Variants in FBXO4 observed in about 807,000 individuals in gnomAD.
FBXO4 encodes the protein F-box only protein 4.
A neutral mutation model predicts 43.7 loss-of-function variants in FBXO4; 36 were observed. The observed-to-expected ratio is 0.82, with a 90% CI of 0.63 to 1.09. The LOEUF (loss-of-function observed/expected upper bound fraction) is 1.09. Among genes scored for constraint, FBXO4 ranks in the 50% least tolerant of loss-of-function variants. FBXO4 has a pLI of 0.00. For synonymous variants in FBXO4, 180 were observed against 165.6 expected (o/e 1.09, Z -0.67); for missense variants, 435 against 474.1 (o/e 0.92, Z 0.77).
chr5:41,954,187 TA>T, the FBXO4 span, among the ~76,000 whole-genome samples: 7 of 152,262 alleles, frequency 4.6e-5, no homozygotes, highest in African/African-American at 9.6e-5. Flanking sequence ...AAGAAATGCC[TA>T]AATTTACCCA....
chr5:42,034,431 C>A, the FBXO4 span, among the ~76,000 whole-genome samples: 3 of 152,268 alleles, frequency 2.0e-5, no homozygotes, highest in Middle Eastern at 3.4e-3. Context: ...GTCATGAAGT[C>A]TTTGTCCATG....
the FBXO4 span, among the ~76,000 whole-genome samples, chr5:41,975,321 G>C: frequency 6.6e-6 from 1 of 152,304 alleles, no homozygotes; most frequent in South Asian, 2.1e-4. Flanking sequence ...ATTGATGTAT[G>C]AGCTCAGCTC....
the FBXO4 span, among the ~76,000 whole-genome samples, chr5:41,986,393 G>C: frequency 1.3e-5 from 2 of 152,078 alleles, no homozygotes; most frequent in Admixed American, 1.3e-4. Flanking sequence ...CTTTCACTTG[G>C]AGGCACAGGT....
the FBXO4 span, among the ~76,000 whole-genome samples, chr5:42,001,149 T>C: frequency 6.6e-6 from 1 of 152,242 alleles, no homozygotes; most frequent in Admixed American, 6.5e-5. Context: ...GCATTGGCTC[T>C]CTAGATCAAT....
rs575141360 is a variant in FBXO4 at position 41,932,878 on chromosome 5, C to T, written c.647-1068C>T. On this transcript the variant is annotated intron_variant, in intron 3 of 6. Transcript: ENST00000281623. ...TTTGAGGAGGCAAAAGGAGAACCAG[C>T]CACTTAGTGTTAACACAGTCCAAGG... 1.1e-4 allele frequency among the ~76,000 whole-genome samples: 17 copies of T among 152,172 alleles called. No homozygotes were observed. The South Asian group carries it at 3.3e-3, about 30-fold the overall frequency.
the FBXO4 span, among the ~76,000 whole-genome samples, chr5:41,983,063 G>A: frequency 6.6e-6 from 1 of 152,000 alleles, no homozygotes; most frequent in Non-Finnish European, 1.5e-5. Context: ...CTTTTTTATG[G>A]CTGCATAGTA....
chr5:42,007,091 T>A, the FBXO4 span, among the ~76,000 whole-genome samples: 1,724 of 151,156 alleles, frequency 0.011, 78 homozygotes, highest in Admixed American at 0.073. Context: ...CACTACTACC[T>A]CAGGATGTGA....
the FBXO4 span, among the ~76,000 whole-genome samples, chr5:41,959,891 T>C: frequency 6.6e-6 from 1 of 152,160 alleles, no homozygotes; most frequent in Admixed American, 6.5e-5. Flanking sequence ...TCTATTTCTA[T>C]GAAAAATGTC....
the FBXO4 span, among the ~76,000 whole-genome samples, chr5:42,026,606 CA>C: frequency 2.6e-5 from 4 of 151,798 alleles, no homozygotes; most frequent in Non-Finnish European, 5.9e-5. Context: ...TGTTGAATAA[CA>C]GTGGTGACAA....
rs1226028496 is a variant in FBXO4 at position 41,934,280 on chromosome 5, C to T, written c.870C>T (p.Ile290=). 12 of 1,613,982 alleles carry T rather than the reference C, an allele frequency of 7.4e-6. No homozygotes were observed. Among genetic ancestry groups the T allele is most frequent in the Admixed American group, 1.7e-5 (1 of 59,994 alleles). ...TGTGTGAAGTTGTAGATGGGTTCATCTATGTTGCAAATGCTGAAGCTCATA... is the reference window on the plus strand; with the variant it reads ...TGTGTGAAGTTGTAGATGGGTTCATTTATGTTGCAAATGCTGAAGCTCATA... ...QKVCEVVDGF[I]YVANAEAHKR... The change falls in exon 5 of 7, where the codon ATC becomes ATT. Residue 290 remains isoleucine (I), a synonymous_variant. Coordinates refer to ENST00000281623, the MANE Select transcript of FBXO4 (RefSeq NM_012176.3).
the FBXO4 span, among the ~76,000 whole-genome samples, chr5:42,001,774 C>A: frequency 6.6e-6 from 1 of 152,190 alleles, no homozygotes; most frequent in Non-Finnish European, 1.5e-5. Flanking sequence ...TCACTACAAA[C>A]TCTGCCTCCT....
the FBXO4 span, among the ~76,000 whole-genome samples, chr5:42,012,656 T>A: frequency 6.6e-6 from 1 of 152,290 alleles, no homozygotes; most frequent in Non-Finnish European, 1.5e-5. Context: ...AAGAGCTGTC[T>A]TCGGTGGCTG....
At chr5:41,936,771 GAAA>G (rs143283100) in intron 5 of FBXO4, among the ~76,000 whole-genome samples, 12 of 151,726 alleles carry the variant, frequency 7.9e-5, no homozygotes, top group Admixed American at 7.2e-4. Flanking sequence ...AACACAAAGA[GAAA>G]AAAAAGTAAG....
At chr5:41,965,474 C>T in the FBXO4 span, among the ~76,000 whole-genome samples, 6 of 152,268 alleles carry the variant, frequency 3.9e-5, no homozygotes, top group African/African-American at 7.2e-5. Context: ...TTACCTCGGG[C>T]AGTATGGCCA....
At chr5:41,959,280 T>G in the FBXO4 span, among the ~76,000 whole-genome samples, 1 of 152,232 alleles carries the variant, frequency 6.6e-6, no homozygotes, top group African/African-American at 2.4e-5. Context: ...TTCTTATATC[T>G]TTTGGATATT....
the FBXO4 span, among the ~76,000 whole-genome samples, chr5:41,993,048 T>C: frequency 4.1e-3 from 626 of 152,308 alleles, 5 homozygotes; most frequent in African/African-American, 0.015. Flanking sequence ...AAAAACATAT[T>C]GTAAACCCTT....
At chr5:42,014,506 G>A in the FBXO4 span, among the ~76,000 whole-genome samples, 3 of 152,142 alleles carry the variant, frequency 2.0e-5, no homozygotes, top group Admixed American at 6.6e-5. Flanking sequence ...GTCCTCATGA[G>A]TCAGACAGGT....
chr5:41,946,592 C>T (rs558534033), downstream of FBXO4, among the ~76,000 whole-genome samples: 33 of 152,208 alleles, frequency 2.2e-4, no homozygotes, highest in South Asian at 6.4e-3. Context: ...AACAAGTAAG[C>T]AAGCTTAAAC....
the FBXO4 span, among the ~76,000 whole-genome samples, chr5:41,952,754 A>G: frequency 6.6e-6 from 1 of 151,858 alleles, no homozygotes; most frequent in South Asian, 2.1e-4. Flanking sequence ...TAGTTTAAGT[A>G]TTTTCTGTTG....
Sources: allele counts gnomAD v4.1 joint callset (sites outside exome capture counted in the v4.1 genomes callset), GRCh38; gene constraint gnomAD v4.1.1; transcripts MANE v1.5; gene names NCBI Gene and HGNC (gene_info 2026-07-23, HGNC 2026-07-21).